The following SHLD1 variants were observed in gnomAD, a reference collection of about 807,000 sequenced individuals.
SHLD1 encodes the protein RINN1-REV7-interacting novel NHEJ regulator 3.
A neutral mutation model predicts 5.5 loss-of-function variants in SHLD1; 3 were observed. That is an observed-to-expected ratio of 0.54 (90% CI 0.25 to 1.40). SHLD1 has a LOEUF of 1.40. Among genes scored for constraint, SHLD1 ranks in the 40% most tolerant of loss-of-function variants. The pLI is 0.15. For synonymous variants in SHLD1, 92 were observed against 94.3 expected (o/e 0.98, Z 0.14); for missense variants, 210 against 244.4 (o/e 0.86, Z 0.94).
intron 1 of SHLD1, among the ~76,000 whole-genome samples, chr20:5,755,734 T>C (rs960801918): frequency 5.9e-5 from 9 of 152,018 alleles, no homozygotes; most frequent in African/African-American, 2.2e-4. Context: ...TAATTTTGTA[T>C]TTTTAGTAGA....
intron 2 of SHLD1, among the ~76,000 whole-genome samples, chr20:5,814,269 A>G (rs1051918925): frequency 2.0e-5 from 3 of 151,802 alleles, no homozygotes. Context: ...CAAAACACCT[A>G]TTATTACTGC....
chr20:5,828,870 T>A (rs557158814), intron 2 of SHLD1, among the ~76,000 whole-genome samples: 46 of 152,288 alleles, frequency 3.0e-4, no homozygotes, highest in African/African-American at 1.1e-3. Flanking sequence ...ATTCTATTAT[T>A]ATTGTCATTA....
chr20:5,831,354 A>T (rs2087726699), intron 2 of SHLD1, among the ~76,000 whole-genome samples: 1 of 152,236 alleles, frequency 6.6e-6, no homozygotes, highest in Non-Finnish European at 1.5e-5. Context: ...TAGCACCTCT[A>T]GCTTCTGTTC....
chr20:5,769,233 G>A (rs2122229650), intron 1 of SHLD1, among the ~76,000 whole-genome samples: 1 of 152,214 alleles, frequency 6.6e-6, no homozygotes, highest in East Asian at 1.9e-4. Context: ...TAGGCCTTGA[G>A]TTATGGTGCT....
intron 2 of SHLD1, among the ~76,000 whole-genome samples, chr20:5,816,182 G>A (rs997387335): frequency 1.3e-5 from 2 of 150,308 alleles, no homozygotes; most frequent in Non-Finnish European, 3.0e-5. Flanking sequence ...AACTGCAAAT[G>A]TAAATATTAT....
chr20:5,851,794 T>C (rs938131492), intron 2 of SHLD1, among the ~76,000 whole-genome samples: 37 of 151,928 alleles, frequency 2.4e-4, no homozygotes, highest in South Asian at 2.1e-4. Context: ...TCCCCAGTGT[T>C]GGAAGATGGG....
chr20:5,833,477 T>C (rs1406007908), intron 2 of SHLD1, among the ~76,000 whole-genome samples: 2 of 152,158 alleles, frequency 1.3e-5, no homozygotes, highest in African/African-American at 4.8e-5. Context: ...TACATTGTTT[T>C]GTTTGTTCCG....
chr20:5,835,159 G>A (rs1312849100), intron 2 of SHLD1, among the ~76,000 whole-genome samples: 1 of 152,110 alleles, frequency 6.6e-6, no homozygotes, highest in East Asian at 1.9e-4. Context: ...AATAAGAGAA[G>A]TCTACCTCTA....
intron 2 of SHLD1, among the ~76,000 whole-genome samples, chr20:5,787,181 C>T (rs2087071382): frequency 6.6e-6 from 1 of 152,202 alleles, no homozygotes; most frequent in Non-Finnish European, 1.5e-5. Flanking sequence ...GGGCCTTGGT[C>T]CCCACAAAGG....
intron 2 of SHLD1, among the ~76,000 whole-genome samples, chr20:5,847,323 T>G (rs1462758709): frequency 6.6e-6 from 1 of 152,180 alleles, no homozygotes; most frequent in African/African-American, 2.4e-5. Context: ...CTTTATTAAA[T>G]AGAATAGAAA....
At position 5,796,029 on chromosome 20, in the gene SHLD1, C is replaced by T. The variant is rs6053709; in HGVS notation, c.178+22986C>T. 8.1e-3 allele frequency among the ~76,000 whole-genome samples: 1,224 copies of T among 151,864 alleles called. 15 individuals carry two copies. The highest frequency in any genetic ancestry group is 0.027 in the African/African-American group (1,137 of 41,434). On this transcript the variant is annotated intron_variant, in intron 2 of 2. Coordinates refer to ENST00000303142, the MANE Select transcript of SHLD1 (RefSeq NM_152504.4). ...GAAAGAAAGAAAATATCATCTATTC[C>T]GGAACAGTAGATATCTACTTATTTC...
At chr20:5,777,596 ATTT>A (rs1985489638) in intron 2 of SHLD1, among the ~76,000 whole-genome samples, 2 of 106,380 alleles carry the variant, frequency 1.9e-5, no homozygotes, top group African/African-American at 7.7e-5. Flanking sequence ...ATTAAAAAAA[ATTT>A]TATTTTTTTT....
chr20:5,817,420 CTCTCTCTCTCTCTGTGTGTGTGTG>C (rs892598532), intron 2 of SHLD1, among the ~76,000 whole-genome samples: 5 of 131,436 alleles, frequency 3.8e-5, no homozygotes, highest in African/African-American at 1.8e-4. Flanking sequence ...CTCTCTCTCT[CTCTCTCTCTCTCTGTGTGTGTGTG>C]TGTGTGTGTG....
At chr20:5,813,771 T>C (rs1193207576) in intron 2 of SHLD1, among the ~76,000 whole-genome samples, 2 of 152,088 alleles carry the variant, frequency 1.3e-5, no homozygotes, top group East Asian at 3.9e-4. Flanking sequence ...ATTACCTTTC[T>C]GTGGAAGAGG....
In SHLD1 at chr20:5,863,515, G is replaced by A. The variant is rs1208219887; in HGVS notation, c.*52G>A. 6.6e-7 allele frequency: 1 copy of A among 1,526,200 alleles called. No individual in the cohort carries two copies. The highest frequency in any genetic ancestry group is 8.8e-7 in the Non-Finnish European group (1 of 1,133,396). 94.5% of individuals were successfully genotyped at this position (1,526,200 alleles called of 1,614,324 possible). ...TAATGGAGGTGCTGTGCCATGACCA[G>A]CAGTGTTGGTGGCCACCCAGATCCC... On this transcript the variant is annotated 3_prime_UTR_variant, in exon 3 of 3. Transcript: ENST00000303142.
At chr20:5,827,846 T>C (rs1428255748) in intron 2 of SHLD1, among the ~76,000 whole-genome samples, 2 of 152,130 alleles carry the variant, frequency 1.3e-5, no homozygotes, top group East Asian at 3.9e-4. Context: ...CATGCTGTGG[T>C]CTTGCCAGTT....
chr20:5,836,679 T>TTGTC (rs2087793094), intron 2 of SHLD1, among the ~76,000 whole-genome samples: 1 of 151,554 alleles, frequency 6.6e-6, no homozygotes, highest in Non-Finnish European at 1.5e-5. Flanking sequence ...CCATCCTTAC[T>TTGTC]TGTCACTGGC....
chr20:5,862,213 G>C (rs1408386204), intron 2 of SHLD1, among the ~76,000 whole-genome samples: 1 of 152,198 alleles, frequency 6.6e-6, no homozygotes, highest in Non-Finnish European at 1.5e-5. Context: ...CATAGTGATA[G>C]CGTAAAAATT....
At chr20:5,767,303 T>C (rs1984892579) in intron 1 of SHLD1, among the ~76,000 whole-genome samples, 1 of 152,006 alleles carries the variant, frequency 6.6e-6, no homozygotes, top group Non-Finnish European at 1.5e-5. Flanking sequence ...CTGGCTAACA[T>C]GTATTTTTTA....
Sources: gnomAD v4.1 joint callset for allele counts (sites outside exome capture counted in the v4.1 genomes callset) on GRCh38, gnomAD v4.1.1 for gene constraint, MANE v1.5 for transcripts, NCBI Gene and HGNC (gene_info 2026-07-23, HGNC 2026-07-21) for gene names.